The following CALR3 variants were observed in gnomAD, a reference collection of about 807,000 sequenced individuals.
CALR3 encodes calreticulin 3.
A neutral mutation model predicts 48.7 loss-of-function variants in CALR3; 39 were observed. The ratio of observed to expected loss-of-function variants is 0.80; its 90% CI spans 0.62 to 1.05. The LOEUF is 1.05. Among genes scored for constraint, CALR3 ranks in the 50% least tolerant of loss-of-function variants. CALR3 has a pLI of 0.00. For synonymous variants in CALR3, 185 were observed against 172.7 expected (o/e 1.07, Z -0.56); for missense variants, 449 against 474.7 (o/e 0.95, Z 0.50).
chr19:16,491,130 A>G (rs1311667524), intron 2 of CALR3, among the ~76,000 whole-genome samples: 3 of 138,110 alleles, frequency 2.2e-5, no homozygotes, highest in African/African-American at 8.1e-5. Flanking sequence ...TTAGTTAATT[A>G]ATTATTTTTT....
intron 2 of CALR3, among the ~76,000 whole-genome samples, chr19:16,493,710 C>A (rs535397045): frequency 6.6e-6 from 1 of 151,362 alleles, no homozygotes; most frequent in Non-Finnish European, 1.5e-5. Flanking sequence ...CCACCATGCT[C>A]GGCTAATATT....
chr19:16,488,628 G>T (rs2093392865), intron 3 of CALR3, among the ~76,000 whole-genome samples: 2 of 151,874 alleles, frequency 1.3e-5, no homozygotes, highest in South Asian at 4.2e-4. Context: ...GGCTGGTCTT[G>T]AACTCCTGAA....
chr19:16,486,380 G>A (rs1295547663), intron 3 of CALR3, among the ~76,000 whole-genome samples: 3 of 151,488 alleles, frequency 2.0e-5, no homozygotes, highest in South Asian at 2.1e-4. Flanking sequence ...CCAGAACTTT[G>A]GGGGGCTGAG....
Position 16,484,004 on chromosome 19 carries a change from A to G in CALR3, c.604T>C (p.Leu202=), listed in dbSNP as rs769879360. The G allele has an allele frequency of 6.2e-7, 1 of 1,614,050 alleles. No homozygotes were observed. The change falls in exon 5 of 9, where the codon TTA becomes CTA. Residue 202 remains leucine, a synonymous_variant. Coordinates refer to ENST00000269881, the MANE Select transcript of CALR3 (RefSeq NM_145046.5). ...ESGSIEYDWN[L]TSLKKETSPA... ...GACGTTTCCTTCTTGAGTGATGTTA[A>G]GTTCCAGTCGTACTCTATGCTGCCG...
In CALR3 at chr19:16,490,376, T is replaced by C. The variant is rs753527738; in HGVS notation, c.388A>G (p.Ile130Val). 4 of 1,614,150 alleles carry C rather than the reference T, an allele frequency of 2.5e-6. No homozygotes were observed. The Admixed American group carries it at 6.7e-5, about 27-fold the overall frequency. Residue 130 changes from isoleucine to valine, a missense_variant, in exon 3 of 9, where the codon ATT becomes GTT. Ile to Val is a conservative substitution (Grantham distance 29). Coordinates refer to ENST00000269881, the MANE Select transcript of CALR3 (RefSeq NM_145046.5). ...KNLNGKSQYY[I>V]MFGPDICGFD... is the part of the protein sequence containing the mutation. ...CACCACGTAAACTCACCAAACATAA[T>C]ATAGTACTGCGATTTTCCATTCAGG...
rs531275904 is a variant in CALR3, at chr19:16,482,555, A to G, written c.813T>C (p.His271=). 23 of 1,614,222 alleles carry G rather than the reference A, an allele frequency of 1.4e-5. No individual in the cohort carries two copies. The East Asian group carries it at 4.0e-4, about 28-fold the overall frequency. ...TCTTACGGTGGAGCCAGACGTCTTT[A>G]TGAATACCTTCTGGTTTCAGGCCAT... ...YQDGLKPEGI[H]KDVWLHRKMK... The change falls in exon 7 of 9, where the codon CAT becomes CAC. Residue 271 remains histidine (H), a synonymous_variant. Coordinates refer to ENST00000269881, the MANE Select transcript of CALR3 (RefSeq NM_145046.5).
intron 8 of CALR3, among the ~76,000 whole-genome samples, chr19:16,479,796 G>A (rs2093377695): frequency 6.6e-6 from 1 of 151,840 alleles, no homozygotes; most frequent in African/African-American, 2.4e-5. Flanking sequence ...AAAAGCCCCA[G>A]AGGCCAGGGG....
chr19:16,489,980 T>C (rs1393726080), intron 3 of CALR3, among the ~76,000 whole-genome samples: 1 of 152,212 alleles, frequency 6.6e-6, no homozygotes, highest in Non-Finnish European at 1.5e-5. Flanking sequence ...CATCAGAGCA[T>C]TGTGGATTTC....
At chr19:16,491,240 A>C (rs956533918) in intron 2 of CALR3, among the ~76,000 whole-genome samples, 3 of 151,892 alleles carry the variant, frequency 2.0e-5, no homozygotes, top group African/African-American at 7.2e-5. Flanking sequence ...CTCCTGCCTC[A>C]GCCTCCCGAG....
intron 7 of CALR3, among the ~76,000 whole-genome samples, 197 bp downstream of exon 7, chr19:16,482,253 G>A (rs1448113504): frequency 6.6e-6 from 1 of 151,716 alleles, no homozygotes; most frequent in Non-Finnish European, 1.5e-5. Flanking sequence ...GTGGTGGCTT[G>A]TGCCTGTAGT....
At chr19:16,479,705 G>A (rs1292673776) in intron 8 of CALR3, among the ~76,000 whole-genome samples, 1 of 151,614 alleles carries the variant, frequency 6.6e-6, no homozygotes, top group African/African-American at 2.4e-5. Flanking sequence ...GTTGCAGTGA[G>A]TCGAGATGGC....
At chr19:16,484,565 T>C (rs746891240) in intron 4 of CALR3, among the ~76,000 whole-genome samples, 21 of 152,130 alleles carry the variant, frequency 1.4e-4, no homozygotes, top group Non-Finnish European at 2.4e-4. Flanking sequence ...TCACCCAGGC[T>C]GGAGTGCAGT....
rs1555775532 is a variant in CALR3, at chr19:16,479,166, A to C, written c.1120T>G (p.Tyr374Asp). Reference protein sequence around the residue: ...LSGKINRHEHYFNQFHRRNEL With the variant: ...LSGKINRHEHDFNQFHRRNEL The stretch of plus-strand genomic sequence containing the variant: ...TTCCTTCTGTGAAATTGATTGAAGT[A>C]ATGTTCGTGCCTGTTAATTTTTCCC... Residue 374 changes from tyrosine to aspartate, a missense_variant, in exon 9 of 9, where the codon TAC becomes GAC. By Grantham distance (160) the Tyr-to-Asp change is radical. Coordinates refer to ENST00000269881, the MANE Select transcript of CALR3 (RefSeq NM_145046.5). 1 of 1,614,090 alleles carries C rather than the reference A, an allele frequency of 6.2e-7. No homozygotes were observed. The highest frequency in any genetic ancestry group is 8.5e-7 in the Non-Finnish European group (1 of 1,180,020).
At chr19:16,482,809 G>A (rs2093383273) in intron 5 of CALR3, 24 bp from the exon 6 acceptor site, 7 of 1,591,368 alleles carry the variant, frequency 4.4e-6, no homozygotes, top group Non-Finnish European at 6.0e-6. Flanking sequence ...TAAGGAAAAA[G>A]TAAAATCAGT....
At chr19:16,491,772 G>A (rs1182910252) in intron 2 of CALR3, among the ~76,000 whole-genome samples, 1 of 149,148 alleles carries the variant, frequency 6.7e-6, no homozygotes, top group Non-Finnish European at 1.5e-5. Context: ...GTGAGACTCC[G>A]TCTCCAAAAA....
Position 16,485,175 on chromosome 19 carries a change from C to T in CALR3, c.480G>A (p.Leu160=), listed in dbSNP as rs1457842896. The change falls in exon 4 of 9, where the codon CTG becomes CTA. Residue 160 remains leucine, a synonymous_variant. Coordinates refer to ENST00000269881, the MANE Select transcript of CALR3 (RefSeq NM_145046.5). ...CAAGAGCAGTTACCTTACACCTGAT[C>T]AGTTTCTTGTTTTCGTGATACTTAT... is the stretch of plus-strand genomic sequence containing the variant. ...FKNKYHENKK[L]IRCKVDGFTH... The T allele has an allele frequency of 6.3e-7, 1 of 1,599,214 alleles. No individual in the cohort carries two copies. Among genetic ancestry groups the T allele is most frequent in the East Asian group, 2.2e-5 (1 of 44,790 alleles).
chr19:16,480,772 T>A, intron 7 of CALR3, 66 bp from the exon 8 acceptor site: 6 of 1,220,334 alleles, frequency 4.9e-6, no homozygotes, highest in Non-Finnish European at 7.1e-6. Context: ...ATTTTTCATT[T>A]CTTTTTTCCT....
chr19:16,496,107 A>G lies in CALR3; in HGVS notation c.23T>C (p.Leu8Pro). Reference sequence around the variant, plus strand: ...CACTCGCAGCATGCATATGGCCCAGAGCTGGACCAAAGCCCGGGCCATGGG... The same window carrying G: ...CACTCGCAGCATGCATATGGCCCAGGGCTGGACCAAAGCCCGGGCCATGGG... Reference protein sequence around the residue: MARALVQLWAICMLRVAL... With the variant: MARALVQPWAICMLRVAL... Residue 8 changes from leucine (L) to proline (P), a missense_variant, in exon 1 of 9, where the codon CTC (leucine) becomes CCC (proline). Coordinates refer to ENST00000269881, the MANE Select transcript of CALR3 (RefSeq NM_145046.5). 4 of 1,605,674 alleles carry G rather than the reference A, an allele frequency of 2.5e-6. No individual in the cohort carries two copies. Among genetic ancestry groups the G allele is most frequent in the Non-Finnish European group, 2.6e-6 (3 of 1,176,314 alleles).
intron 2 of CALR3, among the ~76,000 whole-genome samples, chr19:16,493,937 G>A (rs866482278): frequency 7.2e-5 from 11 of 152,000 alleles, no homozygotes; most frequent in Middle Eastern, 3.2e-3. Flanking sequence ...CATGTTGGCC[G>A]GGCTGGTCTC....
Sources: gnomAD v4.1 joint callset for allele counts (sites outside exome capture counted in the v4.1 genomes callset) on GRCh38, gnomAD v4.1.1 for gene constraint, MANE v1.5 for transcripts, NCBI Gene and HGNC (gene_info 2026-07-23, HGNC 2026-07-21) for gene names.